ZNF385D: variants seen among roughly 807,000 people sequenced by gnomAD.
The protein encoded by ZNF385D is zinc finger protein 385D.
ZNF385D carries 15 observed loss-of-function variants against 35.8 expected under a neutral mutation model. That is an observed-to-expected ratio of 0.42 (90% CI 0.28 to 0.64). ZNF385D has a LOEUF of 0.64. Ranked by LOEUF, ZNF385D falls within the 30% of genes least tolerant of loss-of-function variation. The probability of loss-of-function intolerance (pLI) is 0.23; values close to 1 mark genes in which losing one functional copy is unlikely to be tolerated. For synonymous variants in ZNF385D, 212 were observed against 186.8 expected, an observed-to-expected ratio of 1.13 and a Z score of -1.10; for missense variants, 474 against 494.6, an observed-to-expected ratio of 0.96 and a Z score of 0.39.
chr3:21,645,107 G>A (rs965115171), intron 2 of ZNF385D, among the ~76,000 whole-genome samples: 1 of 152,182 alleles, frequency 6.6e-6, no homozygotes, highest in Non-Finnish European at 1.5e-5. Flanking sequence ...GTATATGTTT[G>A]ATGCAACGGT....
chr3:22,330,636 T>C (rs1242809035), intron 2 of ZNF385D, among the ~76,000 whole-genome samples: 1 of 152,196 alleles, frequency 6.6e-6, no homozygotes, highest in Non-Finnish European at 1.5e-5. Flanking sequence ...TCTTCCCACT[T>C]TCCATCTCAC....
intron 3 of ZNF385D, among the ~76,000 whole-genome samples, chr3:21,785,419 T>C (rs3106459): frequency 0.52 from 79,080 of 151,808 alleles, 21,166 homozygotes; most frequent in Middle Eastern, 0.6. Flanking sequence ...CTTAAGAATG[T>C]TCTCACCAAA....
At chr3:21,972,629 G>A (rs1229631083) in intron 3 of ZNF385D, among the ~76,000 whole-genome samples, 3 of 151,290 alleles carry the variant, frequency 2.0e-5, no homozygotes, top group African/African-American at 7.3e-5. Flanking sequence ...TATAAAAGAT[G>A]AACAAAATGA....
chr3:21,582,378 C>T (rs1374369772), intron 2 of ZNF385D, among the ~76,000 whole-genome samples: 1 of 152,190 alleles, frequency 6.6e-6, no homozygotes, highest in African/African-American at 2.4e-5. Flanking sequence ...AAAAGTATCT[C>T]CAACAGTTGA....
chr3:22,083,222 G>A (rs1005033019), intron 3 of ZNF385D, among the ~76,000 whole-genome samples: 16 of 152,214 alleles, frequency 1.1e-4, no homozygotes, highest in South Asian at 4.1e-4. Context: ...AAAGCTGGAC[G>A]GAGAATGACT....
At chr3:21,686,296 T>A (rs1330790243) in intron 1 of ZNF385D, among the ~76,000 whole-genome samples, 1 of 152,184 alleles carries the variant, frequency 6.6e-6, no homozygotes. Context: ...GCTATAATTA[T>A]TTTTGGCAAG....
intron 1 of ZNF385D, among the ~76,000 whole-genome samples, chr3:21,703,897 C>G (rs1266685019): frequency 6.6e-6 from 1 of 152,188 alleles, no homozygotes; most frequent in African/African-American, 2.4e-5. Flanking sequence ...TACACTCTAG[C>G]ACTATGCAAG....
chr3:22,250,042 A>C (rs937031335), intron 2 of ZNF385D, among the ~76,000 whole-genome samples: 2 of 152,146 alleles, frequency 1.3e-5, no homozygotes, highest in African/African-American at 4.8e-5. Context: ...CATATAGCAC[A>C]TTGTAATGGA....
At chr3:21,772,626 A>T (rs1354536994) in intron 3 of ZNF385D, among the ~76,000 whole-genome samples, 1 of 151,964 alleles carries the variant, frequency 6.6e-6, no homozygotes, top group African/African-American at 2.4e-5. Context: ...AAAACAGTAT[A>T]GTCATTGTGG....
chr3:21,697,152 A>C (rs571984109), intron 1 of ZNF385D, among the ~76,000 whole-genome samples: 5 of 152,206 alleles, frequency 3.3e-5, no homozygotes, highest in Non-Finnish European at 7.4e-5. Context: ...CTGCTTCCTC[A>C]TCGTTAAAGG....
At chr3:22,353,774 C>T (rs1696023892) in intron 2 of ZNF385D, among the ~76,000 whole-genome samples, 2 of 152,114 alleles carry the variant, frequency 1.3e-5, no homozygotes, top group African/African-American at 4.8e-5. Context: ...ACCTCAGCCA[C>T]ACTCTCATCT....
At chr3:21,830,725 C>T (rs1190716877) in intron 3 of ZNF385D, among the ~76,000 whole-genome samples, 3 of 152,106 alleles carry the variant, frequency 2.0e-5, no homozygotes, top group African/African-American at 4.8e-5. Context: ...TTGTGATTTC[C>T]TTGGCAAATG....
intron 4 of ZNF385D, chr3:21,441,794 A>G (rs1701873963): frequency 1.1e-6 from 1 of 947,256 alleles, no homozygotes; most frequent in Non-Finnish European, 1.3e-6. Context: ...ACTGTTTCCC[A>G]AAGGCTGATT....
At chr3:21,753,854 C>A (rs1335727177), upstream of ZNF385D, among the ~76,000 whole-genome samples, 1 of 151,954 alleles carries the variant, frequency 6.6e-6, no homozygotes, top group Admixed American at 6.6e-5. Context: ...TACTCTCACC[C>A]TGCAGCTCTG....
intron 3 of ZNF385D, among the ~76,000 whole-genome samples, chr3:22,094,385 G>GATATATATATATATATATATAT (rs140274686): frequency 5.8e-4 from 41 of 70,788 alleles, no homozygotes; most frequent in African/African-American, 1.6e-3. Flanking sequence ...ATTTATTGTT[G>GATATATATATATATATATATAT]ATATATATAT....
At chr3:21,653,527 A>T (rs1181704884) in intron 2 of ZNF385D, among the ~76,000 whole-genome samples, 2 of 152,136 alleles carry the variant, frequency 1.3e-5, no homozygotes, top group Middle Eastern at 3.2e-3. Context: ...GTATATATAC[A>T]CAATATATGT....
At chr3:22,151,909 T>C (rs1225021625) in intron 3 of ZNF385D, among the ~76,000 whole-genome samples, 1 of 152,128 alleles carries the variant, frequency 6.6e-6, no homozygotes, top group African/African-American at 2.4e-5. Context: ...ATAGGTAAAC[T>C]GGGCAACATA....
At chr3:21,835,226 T>C (rs17009681) in intron 3 of ZNF385D, among the ~76,000 whole-genome samples, 10,547 of 149,122 alleles carry the variant, frequency 0.071, 540 homozygotes, top group East Asian at 0.21. Context: ...AGAAAAAAAC[T>C]AGTGAGGCTA....
chr3:21,514,015 T>C (rs1036310175), intron 3 of ZNF385D, among the ~76,000 whole-genome samples: 1 of 151,780 alleles, frequency 6.6e-6, no homozygotes, highest in Non-Finnish European at 1.5e-5. Flanking sequence ...TCTGTGACTG[T>C]AAAAAAAAGC....
Sources: allele counts gnomAD v4.1 joint callset (sites outside exome capture counted in the v4.1 genomes callset), GRCh38; gene constraint gnomAD v4.1.1; transcripts MANE v1.5; gene names NCBI Gene and HGNC (gene_info 2026-07-23, HGNC 2026-07-21).